PBRM1: variants seen among roughly 807,000 people sequenced by gnomAD.
PBRM1 encodes the protein protein polybromo-1.
Under a neutral mutation model 194.5 loss-of-function variants are expected in PBRM1, and 27 were observed. The observed-to-expected ratio is 0.14, with a 90% CI of 0.10 to 0.19. The LOEUF (loss-of-function observed/expected upper bound fraction) is 0.19, where lower values mean the gene tolerates loss of function less well. Among genes scored for constraint, PBRM1 ranks in the 10% least tolerant of loss-of-function variants. PBRM1 has a pLI of 1.00. For synonymous variants in PBRM1, 655 were observed against 693.2 expected, an observed-to-expected ratio of 0.94 and a Z score of 0.87; for missense variants, 1,466 against 2,077.2, an observed-to-expected ratio of 0.71 and a Z score of 5.72.
At chr3:52,608,311 C>T (rs550327692) in intron 16 of PBRM1, among the ~76,000 whole-genome samples, 5 of 152,252 alleles carry the variant, frequency 3.3e-5, no homozygotes, top group Admixed American at 2.0e-4. Flanking sequence ...CTTTTCTCTG[C>T]CTATGCCTCT....
intron 27 of PBRM1, among the ~76,000 whole-genome samples, chr3:52,553,114 A>G (rs1456612776): frequency 6.6e-6 from 1 of 152,130 alleles, no homozygotes; most frequent in East Asian, 1.9e-4. Flanking sequence ...TAGGTCCAAC[A>G]CTGGTACAAG....
At chr3:52,660,640 G>A (rs1420286596) in intron 4 of PBRM1, among the ~76,000 whole-genome samples, 3 of 151,960 alleles carry the variant, frequency 2.0e-5, no homozygotes, top group East Asian at 3.9e-4. Flanking sequence ...AGCCTCCCGA[G>A]TAGCAGGGAT....
intron 7 of PBRM1, among the ~76,000 whole-genome samples, chr3:52,648,126 C>G (rs567910061): frequency 6.6e-5 from 10 of 152,212 alleles, no homozygotes; most frequent in African/African-American, 2.4e-4. Flanking sequence ...CCAGGCTGGT[C>G]TGGAACGCCT....
intron 3 of PBRM1, among the ~76,000 whole-genome samples, chr3:52,662,957 G>A (rs557886338): frequency 1.3e-5 from 2 of 152,148 alleles, no homozygotes; most frequent in South Asian, 2.1e-4. Context: ...ATTAATACTT[G>A]TGGTTTGAAA....
At chr3:52,554,839 C>T (rs1433901306) in exon 27 of PBRM1, 1 of 1,605,768 alleles carries the variant, frequency 6.2e-7, no homozygotes, top group Non-Finnish European at 8.5e-7. Context: ...CAACTGGGCC[C>T]TGCAAAGGTG....
chr3:52,602,115 C>T (rs569178283), intron 17 of PBRM1, among the ~76,000 whole-genome samples: 15 of 152,240 alleles, frequency 9.9e-5, no homozygotes, highest in African/African-American at 3.1e-4. Flanking sequence ...AGATTTTCAT[C>T]GGTTTGATGA....
chr3:52,600,687 G>A (rs1264139873), intron 17 of PBRM1, among the ~76,000 whole-genome samples: 1 of 152,194 alleles, frequency 6.6e-6, no homozygotes, highest in African/African-American at 2.4e-5. Context: ...GTCCCAGGCT[G>A]GAGTGCAATG....
chr3:52,676,745 T>C (rs980197121), intron 2 of PBRM1, among the ~76,000 whole-genome samples: 2 of 152,164 alleles, frequency 1.3e-5, no homozygotes, highest in Middle Eastern at 3.2e-3. Context: ...ATGTGGGAGT[T>C]TGGAACTTCC....
At position 52,563,588 on chromosome 3, in the gene PBRM1, C is replaced by T. The variant is rs530691833; in HGVS notation, c.3876-95G>A. The T allele has an allele frequency of 2.6e-4, 210 of 798,350 alleles. 1 individual carries two copies. The Middle Eastern group carries it at 4.0e-3, about 15-fold the overall frequency. 49.5% of individuals were successfully genotyped at this position (798,350 alleles called of 1,614,324 possible). ...CCACCTTAACAACTAGAAGTGACTT[C>T]CTGCAATCTGCAATATATGCTCTAA... On this transcript the variant is annotated intron_variant, in intron 23 of 29. Transcript: ENST00000296302.
At chr3:52,558,322 C>T (rs905878909) in exon 26 of PBRM1, 1 of 1,549,826 alleles carries the variant, frequency 6.5e-7, no homozygotes, top group African/African-American at 1.4e-5. Flanking sequence ...TGAGAGCCCC[C>T]ACAGGGGTGC....
chr3:52,546,217 C>T (rs1452728813), downstream of PBRM1: 8 of 232,326 alleles, frequency 3.4e-5, no homozygotes, highest in Non-Finnish European at 6.8e-5. Flanking sequence ...ATAATTTAAC[C>T]ACAACTAAAT....
At chr3:52,670,866 T>C (rs765668672) in intron 2 of PBRM1, among the ~76,000 whole-genome samples, 2 of 152,244 alleles carry the variant, frequency 1.3e-5, no homozygotes, top group Non-Finnish European at 2.9e-5. Context: ...ACCTCGTCTC[T>C]AAGGAAAACA....
intron 5 of PBRM1, among the ~76,000 whole-genome samples, chr3:52,653,058 G>GAT (rs1372500644): frequency 6.6e-6 from 1 of 152,122 alleles, no homozygotes; most frequent in Non-Finnish European, 1.5e-5. Context: ...AAGGTCCCAA[G>GAT]ATATCTATGC....
intron 17 of PBRM1, among the ~76,000 whole-genome samples, chr3:52,599,729 C>G (rs2093851402): frequency 6.6e-6 from 1 of 151,132 alleles, no homozygotes; most frequent in Admixed American, 6.6e-5. Context: ...ACTTGGGAGG[C>G]TGAGGCAAGA....
chr3:52,679,147 AG>A (rs1395118940), intron 1 of PBRM1, among the ~76,000 whole-genome samples: 8 of 152,224 alleles, frequency 5.3e-5, no homozygotes, highest in African/African-American at 1.4e-4. Flanking sequence ...CAGCGAATTC[AG>A]GCCAAAACAG....
rs116580676 is a variant in PBRM1 at position 52,572,999 on chromosome 3, C to G, written c.3691+3542G>C. On this transcript the variant is annotated intron_variant, in intron 22 of 29. Coordinates refer to ENST00000296302, the Ensembl canonical transcript of PBRM1. Reference sequence around the variant, plus strand: ...ACTTTGTGATTACTAGATGCATTTTCTTTTGGGTTTTATCTCAAGATGAAG... The same window carrying G: ...ACTTTGTGATTACTAGATGCATTTTGTTTTGGGTTTTATCTCAAGATGAAG... Among the ~76,000 whole-genome samples, 296 of 152,306 alleles carry G rather than the reference C, an allele frequency of 1.9e-3. 1 individual carries two copies. Among genetic ancestry groups the G allele is most frequent in the South Asian group, 5.2e-3 (25 of 4,828 alleles).
At chr3:52,577,519 T>C (rs1056984953) in intron 21 of PBRM1, among the ~76,000 whole-genome samples, 1 of 148,460 alleles carries the variant, frequency 6.7e-6, no homozygotes, top group Non-Finnish European at 1.5e-5. Context: ...AACTAACCCA[T>C]AAAGCTGACA....
intron 7 of PBRM1, 97 bp from the exon 9 acceptor site, chr3:52,644,886 T>G: frequency 1.8e-6 from 1 of 555,426 alleles, no homozygotes; most frequent in Non-Finnish European, 3.2e-6. Context: ...TGGCACTCTT[T>G]CTACTTGGAG....
intron 17 of PBRM1, among the ~76,000 whole-genome samples, chr3:52,597,481 T>C (rs2093659583): frequency 6.6e-6 from 1 of 152,232 alleles, no homozygotes; most frequent in Non-Finnish European, 1.5e-5. Context: ...AATCCCTGTG[T>C]AATACACAGC....
Sources: gnomAD v4.1 joint callset for allele counts (sites outside exome capture counted in the v4.1 genomes callset) on GRCh38, gnomAD v4.1.1 for gene constraint, MANE v1.5 for transcripts, NCBI Gene and HGNC (gene_info 2026-07-23, HGNC 2026-07-21) for gene names.